The following FRMPD4 variants were observed in gnomAD, a reference collection of about 807,000 sequenced individuals.
FRMPD4 encodes FERM and PDZ domain-containing protein 4.
A neutral mutation model predicts 94.1 loss-of-function variants in FRMPD4; 22 were observed. The ratio of observed to expected loss-of-function variants is 0.23; its 90% CI spans 0.17 to 0.33. FRMPD4 has a LOEUF of 0.33. FRMPD4 is among the 10% of genes least tolerant of loss of function. The pLI is 1.00. For synonymous variants in FRMPD4, 631 were observed against 548.6 expected (o/e 1.15, Z -2.10); for missense variants, 1,111 against 1,339.9 (o/e 0.83, Z 2.67).
At chrX:11,922,220 C>G (rs945312644) in intron 3 of FRMPD4, among the ~76,000 whole-genome samples, 1 of 111,778 alleles carries the variant, frequency 8.9e-6, no homozygotes, top group Non-Finnish European at 1.9e-5. Context: ...GGCATCTTCT[C>G]AGCTTCTGGG....
intron 2 of FRMPD4, among the ~76,000 whole-genome samples, chrX:12,506,449 C>A (rs1212246459): frequency 9.0e-6 from 1 of 111,047 alleles, no homozygotes; most frequent in Admixed American, 9.5e-5. Context: ...CCACCACACC[C>A]AGCTAATTTT....
intron 1 of FRMPD4, among the ~76,000 whole-genome samples, chrX:12,173,072 A>G (rs2056249278): frequency 8.9e-6 from 1 of 112,678 alleles, no homozygotes; most frequent in African/African-American, 3.2e-5. Flanking sequence ...CTTGGTTTCA[A>G]AGATATAAAA....
At chrX:12,038,222 A>G (rs916667358) in intron 3 of FRMPD4, among the ~76,000 whole-genome samples, 19 of 112,048 alleles carry the variant, frequency 1.7e-4, no homozygotes, top group African/African-American at 5.8e-4. Context: ...TTAGTTCCTA[A>G]GTGGCTGCGT....
At chrX:12,036,396 AAAAC>A (rs1292928288) in intron 3 of FRMPD4, among the ~76,000 whole-genome samples, 2 of 112,311 alleles carry the variant, frequency 1.8e-5, no homozygotes, top group Non-Finnish European at 3.8e-5. Context: ...CTGGATCAGA[AAAAC>A]AAAATTGTTA....
At chrX:12,433,549 G>A (rs750046512) in intron 1 of FRMPD4, among the ~76,000 whole-genome samples, 4 of 112,104 alleles carry the variant, frequency 3.6e-5, no homozygotes, top group Non-Finnish European at 7.5e-5. Context: ...TGCTCAGAAT[G>A]CAGATGATTC....
intron 3 of FRMPD4, among the ~76,000 whole-genome samples, chrX:11,990,746 G>A (rs1420040087): frequency 9.0e-6 from 1 of 111,425 alleles, no homozygotes; most frequent in Non-Finnish European, 1.9e-5. Context: ...CACAATCTTA[G>A]TGGCTTTAAA....
intron 1 of FRMPD4, among the ~76,000 whole-genome samples, chrX:12,187,984 A>T (rs1414154816): frequency 9.0e-6 from 1 of 111,646 alleles, no homozygotes; most frequent in African/African-American, 3.3e-5. Context: ...GCATTCTGGC[A>T]TATCAAGGAG....
At chrX:12,026,427 T>C (rs935860929) in intron 3 of FRMPD4, among the ~76,000 whole-genome samples, 1 of 111,108 alleles carries the variant, frequency 9.0e-6, no homozygotes, top group African/African-American at 3.3e-5. Flanking sequence ...AACCGAGAAA[T>C]GTGAAAAGTC....
intron 3 of FRMPD4, among the ~76,000 whole-genome samples, chrX:12,093,274 C>G (rs10449070): frequency 0.47 from 52,044 of 109,976 alleles, 9,055 homozygotes; most frequent in Middle Eastern, 0.58. Context: ...AAATGGAATC[C>G]TCTGGATGCA....
At chrX:12,663,302 G>A (rs2059738027) in intron 4 of FRMPD4, among the ~76,000 whole-genome samples, 1 of 111,871 alleles carries the variant, frequency 8.9e-6, no homozygotes, top group African/African-American at 3.2e-5. Context: ...TGCCTGGTTT[G>A]CCTCTAGGGT....
chrX:12,659,149 C>T (rs1320350253), intron 4 of FRMPD4, among the ~76,000 whole-genome samples: 1 of 111,916 alleles, frequency 8.9e-6, no homozygotes, highest in East Asian at 2.8e-4. Flanking sequence ...CCCCTGTGCC[C>T]AGGAGGTTCT....
At chrX:11,941,813 G>C (rs2054161460) in intron 3 of FRMPD4, among the ~76,000 whole-genome samples, 1 of 111,819 alleles carries the variant, frequency 8.9e-6, no homozygotes, top group Non-Finnish European at 1.9e-5. Flanking sequence ...AGTTGAGAAG[G>C]TTTTTCTGCT....
chrX:12,374,645 A>G (rs993756076), intron 1 of FRMPD4, among the ~76,000 whole-genome samples: 2 of 112,239 alleles, frequency 1.8e-5, no homozygotes, highest in Non-Finnish European at 3.8e-5. Context: ...GCAGGATTCA[A>G]GAGGGCTAAG....
intron 3 of FRMPD4, among the ~76,000 whole-genome samples, chrX:12,074,579 GATAGACCTGCTTTACCATTTCA>G (rs1255160306): frequency 4.5e-5 from 5 of 111,942 alleles, no homozygotes; most frequent in African/African-American, 1.6e-4. Context: ...AATCAAGCCA[GATAGACCTGCTTTACCATTTCA>G]ATATAAATGA....
chrX:12,185,626 C>A (rs185068953), intron 1 of FRMPD4, among the ~76,000 whole-genome samples: 1 of 100,150 alleles, frequency 1.0e-5, no homozygotes, highest in African/African-American at 3.6e-5. Flanking sequence ...ATGGGAAACA[C>A]CTCAAAGGGA....
intron 1 of FRMPD4, among the ~76,000 whole-genome samples, chrX:12,171,949 T>C (rs993825943): frequency 1.4e-4 from 15 of 111,075 alleles, no homozygotes; most frequent in African/African-American, 4.9e-4. Flanking sequence ...ATCCTGATGC[T>C]GGTTACCCTC....
intron 2 of FRMPD4, among the ~76,000 whole-genome samples, chrX:12,552,791 T>C (rs1053835478): frequency 8.9e-5 from 10 of 112,754 alleles, no homozygotes; most frequent in African/African-American, 3.2e-4. Flanking sequence ...ATAGGTAATA[T>C]TGTATTTTTA....
chrX:12,267,087 A>G (rs1301419120), intron 1 of FRMPD4, among the ~76,000 whole-genome samples: 1 of 112,083 alleles, frequency 8.9e-6, no homozygotes, highest in African/African-American at 3.2e-5. Flanking sequence ...AGCCTGGGAA[A>G]ATATCAGAAT....
chrX:12,211,792 TTATAAA>T (rs1490007425), intron 1 of FRMPD4, among the ~76,000 whole-genome samples: 1 of 112,308 alleles, frequency 8.9e-6, no homozygotes, highest in Admixed American at 9.4e-5. Context: ...AAAAGTACTC[TTATAAA>T]TATAATAAAC....
Sources: allele counts gnomAD v4.1 joint callset (sites outside exome capture counted in the v4.1 genomes callset), GRCh38; gene constraint gnomAD v4.1.1; transcripts MANE v1.5; gene names NCBI Gene and HGNC (gene_info 2026-07-23, HGNC 2026-07-21).